WDR64: variants seen among roughly 807,000 people sequenced by gnomAD.
WDR64 encodes WD repeat-containing protein 64.
In WDR64, 112 loss-of-function variants were observed where a neutral mutation model predicts 139.3. The observed-to-expected ratio is 0.80, with a 90% confidence interval of 0.69 to 0.94. The LOEUF is 0.94. Ranked by LOEUF, WDR64 falls within the 40% of genes least tolerant of loss-of-function variation. WDR64 has a pLI of 0.00. For missense variants in WDR64, 1,206 were observed against 1,293.1 expected (o/e 0.93, Z 1.03); for synonymous variants, 444 against 437.7 (o/e 1.01, Z -0.18).
chr1:241,715,916 A>G (rs1202677977), intron 9 of WDR64, among the ~76,000 whole-genome samples: 1 of 152,204 alleles, frequency 6.6e-6, no homozygotes, highest in Non-Finnish European at 1.5e-5. Context: ...TCATTATATT[A>G]TAAGACCCTC....
Position 241,802,733 on chromosome 1 carries a change from A to AGGT in WDR64, c.*1522_*1524dup, listed in dbSNP as rs1659559088. ...TAAAACCACATTAATTATGGAATCTAGGTGGTAGGAATACAGGTATTCATT... is the reference window on the plus strand; with the variant it reads ...TAAAACCACATTAATTATGGAATCTAGGTGGTGGTAGGAATACAGGTATTCATT... On this transcript the variant is annotated 3_prime_UTR_variant, in exon 28 of 28. Transcript: ENST00000437684. Among the ~76,000 whole-genome samples the AGGT allele has an allele frequency of 6.6e-6, 1 of 152,186 alleles. No individual in the cohort carries two copies. The highest frequency in any genetic ancestry group is 1.5e-5 in the Non-Finnish European group (1 of 68,026).
At position 241,802,404 on chromosome 1, in the gene WDR64, CAG is replaced by C. The variant is rs966630180; in HGVS notation, c.*1195_*1196del. On this transcript the variant is annotated 3_prime_UTR_variant, in exon 28 of 28. Transcript: ENST00000437684. ...CCTCTGGAAGAGAGGGCAAATATCA[CAG>C]AGAGATTTAGAGATTTAGAAGGGGT... Among the ~76,000 whole-genome samples the C allele has an allele frequency of 5.9e-5, 9 of 152,086 alleles. No homozygotes were observed. Among genetic ancestry groups the C allele is most frequent in the Non-Finnish European group, 1.2e-4 (8 of 67,996 alleles).
intron 7 of WDR64, among the ~76,000 whole-genome samples, chr1:241,685,063 A>T (rs2148113051): frequency 6.6e-6 from 1 of 151,998 alleles, no homozygotes; most frequent in East Asian, 1.9e-4. Context: ...GGCCCACAGC[A>T]TTATTTCTGA....
chr1:241,781,516 G>A (rs1023810818), intron 22 of WDR64, among the ~76,000 whole-genome samples: 1 of 152,132 alleles, frequency 6.6e-6, no homozygotes, highest in African/African-American at 2.4e-5. Flanking sequence ...TAATAGGTCA[G>A]TCTAGAAAAA....
intron 11 of WDR64, 132 bp from the exon 12 acceptor site, chr1:241,741,384 A>C (rs1669532943): frequency 3.1e-6 from 2 of 643,226 alleles, no homozygotes; most frequent in Non-Finnish European, 4.9e-6. Context: ...ACCTCATTAC[A>C]TTTCCTAGGC....
intron 8 of WDR64, among the ~76,000 whole-genome samples, chr1:241,709,333 C>G (rs957951079): frequency 2.6e-5 from 4 of 152,130 alleles, no homozygotes; most frequent in Admixed American, 1.3e-4. Flanking sequence ...AATAGTTGGG[C>G]AGCTGTGGCA....
chr1:241,708,422 T>C (rs1668034288), intron 8 of WDR64, among the ~76,000 whole-genome samples: 1 of 152,194 alleles, frequency 6.6e-6, no homozygotes, highest in Non-Finnish European at 1.5e-5. Context: ...GTCCAGCAGC[T>C]CCTGTCTCAG....
intron 21 of WDR64, 79 bp downstream of exon 21, chr1:241,775,289 C>A: frequency 8.8e-7 from 1 of 1,135,294 alleles, no homozygotes; most frequent in Non-Finnish European, 1.3e-6. Flanking sequence ...AGGAAAAATA[C>A]ATGGTATATG....
intron 8 of WDR64, among the ~76,000 whole-genome samples, chr1:241,696,774 C>T (rs1183177664): frequency 1.3e-5 from 2 of 152,174 alleles, no homozygotes; most frequent in Non-Finnish European, 2.9e-5. Context: ...GGGATTTGGC[C>T]GGCTTCTTTA....
chr1:241,671,256 G>T (rs1666215561), intron 3 of WDR64, 80 bp downstream of exon 3: 1 of 994,190 alleles, frequency 1.0e-6, no homozygotes, highest in Non-Finnish European at 1.5e-6. Flanking sequence ...ATTTTCCATA[G>T]AATCACTTTT....
chr1:241,795,147 G>T, intron 25 of WDR64, 60 bp from the exon 26 acceptor site: 1 of 1,472,800 alleles, frequency 6.8e-7, no homozygotes, highest in Non-Finnish European at 9.4e-7. Context: ...TTGAACCCAG[G>T]TATTTTACCA....
intron 25 of WDR64, among the ~76,000 whole-genome samples, chr1:241,793,645 G>T (rs1659272271): frequency 6.6e-6 from 1 of 152,098 alleles, no homozygotes; most frequent in Non-Finnish European, 1.5e-5. Flanking sequence ...CTGAAGACAG[G>T]GTGCTAAGGA....
chr1:241,776,924 G>A (rs1194948795), intron 21 of WDR64, among the ~76,000 whole-genome samples: 1 of 152,128 alleles, frequency 6.6e-6, no homozygotes, highest in Non-Finnish European at 1.5e-5. Context: ...GTGGGTTTGG[G>A]ATCCAATCTA....
chr1:241,660,793 C>A, intron 2 of WDR64, 133 bp downstream of exon 2: 3 of 922,642 alleles, frequency 3.3e-6, no homozygotes, highest in Non-Finnish European at 4.9e-6. Context: ...AATACCTACA[C>A]CCATTAGGAC....
intron 16 of WDR64, among the ~76,000 whole-genome samples, chr1:241,767,885 T>A (rs1380841090): frequency 2.0e-5 from 3 of 152,144 alleles, no homozygotes; most frequent in Non-Finnish European, 4.4e-5. Flanking sequence ...ATCCTTCTGT[T>A]CCTTCACTTC....
At chr1:241,698,944 G>A (rs1297552597) in intron 8 of WDR64, among the ~76,000 whole-genome samples, 2 of 152,198 alleles carry the variant, frequency 1.3e-5, no homozygotes, top group African/African-American at 4.8e-5. Context: ...TGGTGGAAGG[G>A]GAAGCAAACA....
At chr1:241,718,782 T>C (rs79880844) in intron 9 of WDR64, among the ~76,000 whole-genome samples, 1,542 of 152,258 alleles carry the variant, frequency 0.01, 30 homozygotes, top group African/African-American at 0.036. Flanking sequence ...GAGAGCTCTC[T>C]TCCTGGCTTG....
At chr1:241,777,417 CT>C (rs35263289) in intron 21 of WDR64, among the ~76,000 whole-genome samples, 83,680 of 147,854 alleles carry the variant, frequency 0.57, 23,694 homozygotes, top group Middle Eastern at 0.69. Context: ...GTAATTTCAC[CT>C]TTTTTTTTTT....
intron 24 of WDR64, 40 bp downstream of exon 24, chr1:241,788,074 T>G: frequency 6.6e-7 from 1 of 1,510,652 alleles, no homozygotes; most frequent in South Asian, 1.4e-5. Context: ...CATACAAGAA[T>G]CAAACTGTTG....
Sources: gnomAD v4.1 joint callset for allele counts (sites outside exome capture counted in the v4.1 genomes callset) on GRCh38, gnomAD v4.1.1 for gene constraint, MANE v1.5 for transcripts, NCBI Gene and HGNC (gene_info 2026-07-23, HGNC 2026-07-21) for gene names.